The following KCNJ6 variants were observed in gnomAD, a reference collection of about 807,000 sequenced individuals.
The protein encoded by KCNJ6 is G protein-activated inward rectifier potassium channel 2.
A neutral mutation model predicts 34.2 loss-of-function variants in KCNJ6; 9 were observed. The observed-to-expected ratio is 0.26, with a 90% CI of 0.16 to 0.46. The LOEUF is 0.46. Ranked by LOEUF, KCNJ6 falls within the 20% of genes least tolerant of loss-of-function variation. The pLI, the probability that KCNJ6 is intolerant of heterozygous loss-of-function variation, is 1.00. For synonymous variants in KCNJ6, 196 were observed against 207.1 expected (o/e 0.95, Z 0.46); for missense variants, 236 against 531.3 (o/e 0.44, Z 5.46).
chr21:37,845,969 C>T (rs1199860461), intron 1 of KCNJ6, among the ~76,000 whole-genome samples: 1 of 152,098 alleles, frequency 6.6e-6, no homozygotes, highest in Non-Finnish European at 1.5e-5. Context: ...ATAGACACAT[C>T]AAACGTTTGG....
chr21:37,806,044 A>G (rs376256779), intron 2 of KCNJ6, among the ~76,000 whole-genome samples: 2 of 152,346 alleles, frequency 1.3e-5, no homozygotes, highest in South Asian at 2.1e-4. Flanking sequence ...TAGCGTTCTA[A>G]CATGAAATCT....
intron 2 of KCNJ6, among the ~76,000 whole-genome samples, chr21:37,779,589 A>G (rs2055159451): frequency 6.6e-6 from 1 of 152,168 alleles, no homozygotes. Context: ...AGGCTGTCAG[A>G]TAGGGAGTAT....
intron 2 of KCNJ6, among the ~76,000 whole-genome samples, chr21:37,809,465 T>C (rs566196618): frequency 6.6e-6 from 1 of 152,022 alleles, no homozygotes; most frequent in South Asian, 2.1e-4. Context: ...ACATGGCACA[T>C]GTATACACAT....
chr21:37,673,833 G>A (rs547825725), intron 3 of KCNJ6, among the ~76,000 whole-genome samples: 4 of 152,320 alleles, frequency 2.6e-5, no homozygotes, highest in African/African-American at 9.6e-5. Flanking sequence ...AGGAAAGAAG[G>A]GGAAGGGGCT....
At chr21:37,644,683 T>A (rs2054395710) in intron 3 of KCNJ6, among the ~76,000 whole-genome samples, 1 of 152,250 alleles carries the variant, frequency 6.6e-6, no homozygotes, top group Non-Finnish European at 1.5e-5. Context: ...AGTTCACTTT[T>A]ATTGCCTTTT....
chr21:37,877,678 G>A (rs764262698), intron 1 of KCNJ6, among the ~76,000 whole-genome samples: 21 of 151,928 alleles, frequency 1.4e-4, no homozygotes, highest in Non-Finnish European at 1.5e-4. Flanking sequence ...GCTGCTCAAC[G>A]TGTATTTCCC....
intron 3 of KCNJ6, among the ~76,000 whole-genome samples, chr21:37,676,489 C>G (rs756157176): frequency 1.3e-5 from 2 of 152,350 alleles, no homozygotes; most frequent in South Asian, 2.1e-4. Context: ...GGAAGGGACA[C>G]CAGGGAGTGC....
At chr21:37,720,465 C>T (rs967555077) in intron 2 of KCNJ6, among the ~76,000 whole-genome samples, 76 of 136,548 alleles carry the variant, frequency 5.6e-4, no homozygotes, top group African/African-American at 1.8e-3. Flanking sequence ...TAGGACAAGT[C>T]GAGTCAGCTA....
chr21:37,748,792 T>C (rs1191440061), intron 2 of KCNJ6, among the ~76,000 whole-genome samples: 1 of 152,142 alleles, frequency 6.6e-6, no homozygotes, highest in Non-Finnish European at 1.5e-5. Context: ...ACAAACCTAG[T>C]GGGGTCTGAG....
chr21:37,778,406 A>C (rs1043426181), intron 2 of KCNJ6, among the ~76,000 whole-genome samples: 15 of 152,202 alleles, frequency 9.9e-5, no homozygotes, highest in African/African-American at 3.6e-4. Context: ...GAGAACATGG[A>C]AAGACAAGAT....
chr21:37,796,037 C>G (rs1197809864), intron 2 of KCNJ6, among the ~76,000 whole-genome samples: 2 of 152,070 alleles, frequency 1.3e-5, no homozygotes, highest in South Asian at 4.2e-4. Flanking sequence ...TCTATGGGAG[C>G]CTGAGGGGAA....
intron 2 of KCNJ6, among the ~76,000 whole-genome samples, chr21:37,766,708 G>A (rs2123500047): frequency 6.6e-6 from 1 of 152,240 alleles, no homozygotes; most frequent in East Asian, 1.9e-4. Context: ...ATCTAGACCA[G>A]GGGTCCCCAA....
At chr21:37,845,967 A>C (rs2123584063) in intron 1 of KCNJ6, among the ~76,000 whole-genome samples, 1 of 152,330 alleles carries the variant, frequency 6.6e-6, no homozygotes, top group African/African-American at 2.4e-5. Flanking sequence ...TCATAGACAC[A>C]TCAAACGTTT....
At position 37,623,456 on chromosome 21, in the gene KCNJ6, G is replaced by A. The variant is rs2054297275; in HGVS notation, c.*1703C>T. 1.3e-5 allele frequency: 2 copies of A among 152,214 alleles called. No individual in the cohort carries two copies. The highest frequency in any genetic ancestry group is 2.4e-5 in the African/African-American group (1 of 41,464). The allele number at this position is 152,214 out of a possible 1,614,324, so 9.4% of individuals were successfully genotyped here. On this transcript the variant is annotated 3_prime_UTR_variant, in exon 4 of 4. Transcript: ENST00000609713. ...CAATGAATATTTATGATGGGCAACT[G>A]TGTTAAAGAACAAACAGCTTATAAA...
chr21:37,898,119 G>C (rs1351014106), intron 1 of KCNJ6, among the ~76,000 whole-genome samples: 4 of 152,210 alleles, frequency 2.6e-5, no homozygotes, highest in Non-Finnish European at 5.9e-5. Context: ...GGAAGGCAGA[G>C]CGTGATGGGG....
intron 2 of KCNJ6, among the ~76,000 whole-genome samples, chr21:37,730,956 C>T (rs115026618): frequency 3.3e-5 from 5 of 152,314 alleles, no homozygotes; most frequent in African/African-American, 1.2e-4. Flanking sequence ...ACAGATGAGG[C>T]AGTGGAGGTG....
chr21:37,706,991 C>T (rs1299440303), intron 3 of KCNJ6, among the ~76,000 whole-genome samples: 1 of 152,210 alleles, frequency 6.6e-6, no homozygotes, highest in Non-Finnish European at 1.5e-5. Context: ...CATTCATGTC[C>T]ACTTTCGGTA....
In KCNJ6 at chr21:37,798,465, C is replaced by T. The variant is rs542280301; in HGVS notation, c.25+42193G>A. On this transcript the variant is annotated intron_variant, in intron 2 of 3. Coordinates refer to ENST00000609713, the MANE Select transcript of KCNJ6 (RefSeq NM_002240.5). ...CCCCAAGAGAAAGAAAACATATGCT[C>T]ACACAAAAACGTCCAAGGCAGTGTT... 2.4e-5 allele frequency among the ~76,000 whole-genome samples: 3 copies of T among 127,484 alleles called. No homozygotes were observed. In the South Asian group the frequency reaches 8.1e-4, roughly 34 times the overall value. The allele number at this position is 127,484 out of a possible 152,430, so 83.6% of individuals were successfully genotyped here. A position where few individuals can be genotyped will look rare whatever the true frequency, so the allele number is the denominator to read the frequency against.
intron 2 of KCNJ6, among the ~76,000 whole-genome samples, chr21:37,776,794 T>G (rs1038348851): frequency 6.6e-6 from 1 of 152,202 alleles, no homozygotes; most frequent in Non-Finnish European, 1.5e-5. Flanking sequence ...ATCAGGGATA[T>G]TGGTCTAAAA....
Sources: allele counts gnomAD v4.1 joint callset (sites outside exome capture counted in the v4.1 genomes callset), GRCh38; gene constraint gnomAD v4.1.1; transcripts MANE v1.5; gene names NCBI Gene and HGNC (gene_info 2026-07-23, HGNC 2026-07-21).